The following TRIO variants were observed in gnomAD, a reference collection of about 807,000 sequenced individuals.
The protein encoded by TRIO is trio Rho guanine nucleotide exchange factor.
In TRIO, 58 loss-of-function variants were observed where a neutral mutation model predicts 351.9. The ratio of observed to expected loss-of-function variants is 0.16; its 90% CI spans 0.13 to 0.21. The LOEUF (loss-of-function observed/expected upper bound fraction) is 0.21. Ranked by LOEUF, TRIO falls within the 10% of genes least tolerant of loss-of-function variation. The pLI, the probability that TRIO is intolerant of heterozygous loss-of-function variation, is 1.00. For synonymous variants in TRIO, 1,758 were observed against 1,595.7 expected, an observed-to-expected ratio of 1.10 and a Z score of -2.42; for missense variants, 3,201 against 4,027.8, an observed-to-expected ratio of 0.79 and a Z score of 5.56.
chr5:14,377,678 C>T lies in TRIO; in HGVS notation c.3332-334C>T, dbSNP rs191059262. Among the ~76,000 whole-genome samples, 1,541 of 150,368 alleles carry T rather than the reference C, an allele frequency of 0.01. 27 individuals are homozygous for T. The highest frequency in any genetic ancestry group is 0.037 in the African/African-American group (1,470 of 39,996). ...CTTGAAAAAAATGCTGATTTTTTTT[C>T]AGCCATTGTCGAATTGCATATTATA... is the stretch of plus-strand genomic sequence containing the variant. On this transcript the variant is annotated intron_variant, in intron 19 of 56. Transcript: ENST00000344204.
chr5:14,248,297 C>T (rs1794550918), intron 1 of TRIO, among the ~76,000 whole-genome samples: 1 of 152,124 alleles, frequency 6.6e-6, no homozygotes, highest in Non-Finnish European at 1.5e-5. Flanking sequence ...GAATGTCAAA[C>T]CTTAGGCATT....
At chr5:14,318,279 CAA>C (rs759632595) in intron 9 of TRIO, among the ~76,000 whole-genome samples, 502 of 46,472 alleles carry the variant, frequency 0.011, 4 homozygotes, top group African/African-American at 0.038. Flanking sequence ...GACTCTATCT[CAA>C]AAAAAAAAAA....
chr5:14,153,281 C>T (rs1415201874), intron 1 of TRIO, among the ~76,000 whole-genome samples: 5 of 152,182 alleles, frequency 3.3e-5, no homozygotes, highest in Non-Finnish European at 7.3e-5. Flanking sequence ...TGCCAGGGAG[C>T]AGCAAGAGAG....
rs1757379008 is a variant in TRIO at position 14,502,645 on chromosome 5, C to T, written c.8399C>T (p.Ala2800Val). The stretch of plus-strand genomic sequence containing the variant: ...TTTGACTCCTTCTACAGTGAAGTGG[C>T]TGAGCTTGGCAGGTATGATGCACAA... ...DNFDSFYSEV[A>V]ELGRGRFSVV... The change falls in exon 54 of 57, where the codon GCT becomes GTT. Residue 2800 changes from alanine to valine, a missense_variant. Physicochemically the swap from Ala to Val is moderately conservative, Grantham distance 64 (BLOSUM62 0). Transcript: ENST00000344204. 1.2e-6 allele frequency: 2 copies of T among 1,614,164 alleles called. No homozygotes were observed. Among genetic ancestry groups the T allele is most frequent in the East Asian group, 4.5e-5 (2 of 44,872 alleles).
At chr5:14,163,855 C>T (rs991123817) in intron 1 of TRIO, among the ~76,000 whole-genome samples, 36 of 152,180 alleles carry the variant, frequency 2.4e-4, no homozygotes, top group Admixed American at 1.3e-4. Flanking sequence ...TTGAAGTATT[C>T]AGGAATCTTA....
In TRIO at chr5:14,143,691, C is replaced by T. The variant is rs1463914139; in HGVS notation, c.-35C>T. On this transcript the variant is annotated 5_prime_UTR_variant, in exon 1 of 57. Transcript: ENST00000344204. ...GCACGCGGCGCTAGGGGCGCGGGGC[C>T]CGAGGCGGGCGCGGCCGCGGGCGCC... 10 of 969,956 alleles carry T rather than the reference C, an allele frequency of 1.0e-5. No homozygotes were observed. The highest frequency in any genetic ancestry group is 1.2e-5 in the Non-Finnish European group (10 of 819,728). The allele number at this position is 969,956 out of a possible 1,614,324, so 60.1% of individuals were successfully genotyped here. A position where few individuals can be genotyped will look rare whatever the true frequency, so the allele number is the denominator to read the frequency against.
At position 14,487,504 on chromosome 5, in the gene TRIO, GGGCGGC is replaced by G. The variant is rs749785358; in HGVS notation, c.6889_6894del (p.Gly2297_Gly2298del). On this transcript the variant is annotated inframe_deletion, in exon 48 of 57. Transcript: ENST00000344204. Reference sequence around the variant, plus strand: ...TCGAGTACCAGAGGAACCACAGCGGGGGCGGCGGCGGCGGCGGCAGCGGGGGCAGCG... The same window carrying G: ...TCGAGTACCAGAGGAACCACAGCGGGGGCGGCGGCGGCAGCGGGGGCAGCG... 4.2e-5 allele frequency: 46 copies of G among 1,083,202 alleles called. No homozygotes were observed. Among genetic ancestry groups the G allele is most frequent in the African/African-American group, 1.0e-4 (6 of 59,340 alleles). The allele number at this position is 1,083,202 out of a possible 1,614,324, so 67.1% of individuals were successfully genotyped here. A position where few individuals can be genotyped will look rare whatever the true frequency, so the allele number is the denominator to read the frequency against.
intron 1 of TRIO, among the ~76,000 whole-genome samples, chr5:14,215,270 T>A (rs1037501992): frequency 2.6e-5 from 4 of 152,256 alleles, no homozygotes; most frequent in African/African-American, 9.6e-5. Flanking sequence ...ATGGTTGAAT[T>A]GTGGCAGTTG....
chr5:14,226,932 C>T (rs969498688), intron 1 of TRIO, among the ~76,000 whole-genome samples: 1 of 151,954 alleles, frequency 6.6e-6, no homozygotes, highest in Non-Finnish European at 1.5e-5. Flanking sequence ...TTTGCATTGC[C>T]CTGTGCTTAA....
intron 9 of TRIO, among the ~76,000 whole-genome samples, chr5:14,317,043 A>C (rs974328523): frequency 6.6e-6 from 1 of 152,126 alleles, no homozygotes; most frequent in Non-Finnish European, 1.5e-5. Context: ...TGGTGTGCTC[A>C]CACCAGTGTA....
chr5:14,286,451 C>A lies in TRIO; in HGVS notation c.348-420C>A, dbSNP rs1036853498. Among the ~76,000 whole-genome samples, 1 of 151,980 alleles carries A rather than the reference C, an allele frequency of 6.6e-6. No individual in the cohort carries two copies. Among genetic ancestry groups the A allele is most frequent in the Non-Finnish European group, 1.5e-5 (1 of 68,006 alleles). Reference sequence around the variant, plus strand: ...TGCCGTCCACAGGTCTCAGACTGTCCCCAGTCTGGGTTTTGTTGCAGGCTG... The same window carrying A: ...TGCCGTCCACAGGTCTCAGACTGTCACCAGTCTGGGTTTTGTTGCAGGCTG... On this transcript the variant is annotated intron_variant, in intron 3 of 56. Transcript: ENST00000344204. The surrounding 1 kb of genome is among the most constrained non-coding windows in gnomAD (Gnocchi z 4.4).
chr5:14,165,798 T>A (rs1052471951), intron 1 of TRIO, among the ~76,000 whole-genome samples: 1 of 152,178 alleles, frequency 6.6e-6, no homozygotes, highest in Non-Finnish European at 1.5e-5. Flanking sequence ...CAGTGAACTC[T>A]ACCGGTGGTG....
chr5:14,270,350 C>T (rs1205499186), intron 1 of TRIO, among the ~76,000 whole-genome samples: 1 of 152,146 alleles, frequency 6.6e-6, no homozygotes, highest in Non-Finnish European at 1.5e-5. Flanking sequence ...CTCCGCCTTG[C>T]CACTGTGTAT....
At chr5:14,326,541 C>T (rs2152312801) in intron 9 of TRIO, among the ~76,000 whole-genome samples, 1 of 152,320 alleles carries the variant, frequency 6.6e-6, no homozygotes, top group East Asian at 1.9e-4. Flanking sequence ...TGGTGGTGGT[C>T]TCCAGCTTTA....
chr5:14,478,263 C>T (rs1408269951), intron 41 of TRIO, among the ~76,000 whole-genome samples: 1 of 152,142 alleles, frequency 6.6e-6, no homozygotes, highest in Non-Finnish European at 1.5e-5. Flanking sequence ...TTTACTCATC[C>T]AGGACATTCT....
intron 1 of TRIO, among the ~76,000 whole-genome samples, chr5:14,158,794 G>A (rs941514511): frequency 6.6e-6 from 1 of 152,186 alleles, no homozygotes; most frequent in African/African-American, 2.4e-5. Flanking sequence ...TTGTGCTACT[G>A]CACTCTAGCC....
chr5:14,388,022 A>C, intron 23 of TRIO, 175 bp downstream of exon 23: 2 of 602,212 alleles, frequency 3.3e-6, no homozygotes, highest in East Asian at 2.8e-5. Flanking sequence ...TCCTCTTATC[A>C]CCTGGTTCAG....
chr5:14,173,853 G>C (rs959028743), intron 1 of TRIO, among the ~76,000 whole-genome samples: 1 of 152,218 alleles, frequency 6.6e-6, no homozygotes, highest in African/African-American at 2.4e-5. Context: ...AGAAGCGTCT[G>C]TCTCTGTGAC....
At chr5:14,238,491 C>A (rs1365706439) in intron 1 of TRIO, among the ~76,000 whole-genome samples, 1 of 152,164 alleles carries the variant, frequency 6.6e-6, no homozygotes, top group Non-Finnish European at 1.5e-5. Flanking sequence ...CCTCCTGGGT[C>A]CCTGTGGGCC....
Sources: gnomAD v4.1 joint callset for allele counts (sites outside exome capture counted in the v4.1 genomes callset) on GRCh38, gnomAD v4.1.1 for gene constraint, Gnocchi (gnomAD v3.1) non-coding constraint, MANE v1.5 for transcripts, NCBI Gene and HGNC (gene_info 2026-07-23, HGNC 2026-07-21) for gene names.